TAFA1: variants seen among roughly 807,000 people sequenced by gnomAD.
TAFA1 encodes TAFA chemokine like family member 1.
In TAFA1, 4 loss-of-function variants were observed where a neutral mutation model predicts 18.5. The observed-to-expected ratio is 0.22, with a 90% confidence interval of 0.11 to 0.49. The LOEUF is 0.49. Ranked by LOEUF, TAFA1 falls within the 20% of genes least tolerant of loss-of-function variation. The probability of loss-of-function intolerance (pLI) is 0.98; values close to 1 mark genes in which losing one functional copy is unlikely to be tolerated. For synonymous variants in TAFA1, 56 were observed against 55.2 expected, an observed-to-expected ratio of 1.01 and a Z score of -0.06; for missense variants, 147 against 169.0, an observed-to-expected ratio of 0.87 and a Z score of 0.72.
At chr3:68,237,644 A>AT (rs971251342) in intron 2 of TAFA1, among the ~76,000 whole-genome samples, 1 of 152,094 alleles carries the variant, frequency 6.6e-6, no homozygotes, top group African/African-American at 2.4e-5. Flanking sequence ...AGGGTTCTGA[A>AT]TTTTTTTACC....
At chr3:68,508,380 G>C (rs560000499) in intron 3 of TAFA1, among the ~76,000 whole-genome samples, 50 of 152,138 alleles carry the variant, frequency 3.3e-4, no homozygotes, top group African/African-American at 1.2e-3. Context: ...AGACATCTTA[G>C]GTTTGCCCTA....
At chr3:68,418,715 T>G (rs1465280045) in intron 3 of TAFA1, among the ~76,000 whole-genome samples, 1 of 152,200 alleles carries the variant, frequency 6.6e-6, no homozygotes, top group Non-Finnish European at 1.5e-5. Flanking sequence ...CAGATACCAC[T>G]CTGGGTGCTC....
chr3:68,356,157 G>T (rs2069359867), intron 2 of TAFA1, among the ~76,000 whole-genome samples: 3 of 151,824 alleles, frequency 2.0e-5, no homozygotes, highest in African/African-American at 4.8e-5. Context: ...GGGATGTCCT[G>T]CACTAGATTT....
At chr3:68,171,361 A>T (rs1027247542) in intron 2 of TAFA1, among the ~76,000 whole-genome samples, 10 of 152,322 alleles carry the variant, frequency 6.6e-5, no homozygotes, top group Non-Finnish European at 1.5e-4. Context: ...AGTCCTTCTG[A>T]CATGATAATA....
At chr3:68,133,316 G>A (rs1219233227) in intron 2 of TAFA1, among the ~76,000 whole-genome samples, 1 of 152,060 alleles carries the variant, frequency 6.6e-6, no homozygotes, top group Admixed American at 6.5e-5. Flanking sequence ...TTCCAGCTTT[G>A]TTCTTTTTGC....
intron 3 of TAFA1, among the ~76,000 whole-genome samples, chr3:68,536,678 A>C (rs1474184444): frequency 6.6e-6 from 1 of 152,192 alleles, no homozygotes; most frequent in Non-Finnish European, 1.5e-5. Context: ...CTTGATTTGC[A>C]TTGAGTGAAT....
intron 2 of TAFA1, among the ~76,000 whole-genome samples, chr3:68,299,125 T>G (rs2068261710): frequency 6.6e-6 from 1 of 152,210 alleles, no homozygotes; most frequent in Non-Finnish European, 1.5e-5. Flanking sequence ...GAGGAACTTC[T>G]TGGGAAGTGG....
chr3:68,393,915 A>T (rs9868923), intron 2 of TAFA1, among the ~76,000 whole-genome samples: 149,484 of 152,328 alleles, frequency 0.98, 73,358 homozygotes, highest in East Asian at 1. Flanking sequence ...TCATACAGAA[A>T]GGGCAAAAGC....
intron 2 of TAFA1, among the ~76,000 whole-genome samples, chr3:68,336,021 C>T (rs1205750760): frequency 6.6e-6 from 1 of 152,150 alleles, no homozygotes; most frequent in Non-Finnish European, 1.5e-5. Flanking sequence ...AAGAGGCGAG[C>T]CTTGGAGCCT....
intron 2 of TAFA1, among the ~76,000 whole-genome samples, chr3:68,192,018 C>T (rs764144208): frequency 1.3e-5 from 2 of 151,728 alleles, no homozygotes; most frequent in South Asian, 2.1e-4. Context: ...TCTGCTTTTG[C>T]TTTGGTTTCC....
chr3:68,282,399 GT>G (rs1490426252), intron 2 of TAFA1, among the ~76,000 whole-genome samples: 3 of 147,832 alleles, frequency 2.0e-5, no homozygotes, highest in Non-Finnish European at 3.0e-5. Flanking sequence ...ACTTTGTGGA[GT>G]TGTGACAGTA....
intron 2 of TAFA1, among the ~76,000 whole-genome samples, chr3:68,331,598 A>T (rs2068871971): frequency 6.6e-6 from 1 of 152,202 alleles, no homozygotes; most frequent in Non-Finnish European, 1.5e-5. Context: ...GGCACCTTTT[A>T]GGAGGTTATT....
At chr3:68,256,780 A>G (rs114658503) in intron 2 of TAFA1, among the ~76,000 whole-genome samples, 92 of 152,162 alleles carry the variant, frequency 6.0e-4, no homozygotes, top group African/African-American at 1.7e-3. Flanking sequence ...AATTTGATAC[A>G]TGTTTATGTG....
At chr3:68,165,533 G>C (rs1026853697) in intron 2 of TAFA1, among the ~76,000 whole-genome samples, 1 of 152,162 alleles carries the variant, frequency 6.6e-6, no homozygotes. Flanking sequence ...CAGCTATTTT[G>C]CTCTACTCTG....
At chr3:68,185,825 T>C (rs1263289117) in intron 2 of TAFA1, among the ~76,000 whole-genome samples, 1 of 152,006 alleles carries the variant, frequency 6.6e-6, no homozygotes, top group Non-Finnish European at 1.5e-5. Context: ...GATGGGAGGA[T>C]CCCTTGAACC....
chr3:68,231,836 CAA>C (rs2066875995), intron 2 of TAFA1, among the ~76,000 whole-genome samples: 1 of 152,146 alleles, frequency 6.6e-6, no homozygotes, highest in South Asian at 2.1e-4. Context: ...TGCCCTTTTG[CAA>C]TTACTGTCTC....
chr3:68,423,135 G>C (rs998894264), intron 3 of TAFA1, among the ~76,000 whole-genome samples: 1 of 151,836 alleles, frequency 6.6e-6, no homozygotes, highest in Non-Finnish European at 1.5e-5. Context: ...CATGAAAATA[G>C]TATCGATCTC....
chr3:67,993,926 C>A, the TAFA1 span, among the ~76,000 whole-genome samples: 1 of 152,000 alleles, frequency 6.6e-6, no homozygotes, highest in Non-Finnish European at 1.5e-5. Flanking sequence ...GGAGCACTTT[C>A]AAATTTAGAT....
At chr3:68,412,402 G>C (rs901536010) in intron 2 of TAFA1, among the ~76,000 whole-genome samples, 2 of 151,496 alleles carry the variant, frequency 1.3e-5, no homozygotes, top group African/African-American at 4.9e-5. Context: ...TATACTTTAA[G>C]TTCTAGGGTA....
Sources: gnomAD v4.1 joint callset for allele counts (sites outside exome capture counted in the v4.1 genomes callset) on GRCh38, gnomAD v4.1.1 for gene constraint, MANE v1.5 for transcripts, NCBI Gene and HGNC (gene_info 2026-07-23, HGNC 2026-07-21) for gene names.